Variants in GPD2 observed in about 807,000 individuals in gnomAD.
GPD2 encodes the protein glycerol-3-phosphate dehydrogenase, mitochondrial.
Under a neutral mutation model 82.4 loss-of-function variants are expected in GPD2, and 54 were observed. The observed-to-expected ratio is 0.66, with a 90% CI of 0.53 to 0.82. The LOEUF (loss-of-function observed/expected upper bound fraction) is 0.82. Ranked by LOEUF, GPD2 falls within the 40% of genes least tolerant of loss-of-function variation. The pLI is 0.00. For synonymous variants in GPD2, 288 were observed against 306.1 expected (o/e 0.94, Z 0.62); for missense variants, 748 against 896.2 (o/e 0.83, Z 2.11).
chr2:156,543,344 G>A (rs186964948), intron 6 of GPD2, among the ~76,000 whole-genome samples: 1 of 152,284 alleles, frequency 6.6e-6, no homozygotes, highest in African/African-American at 2.4e-5. Context: ...CTGCTAGGTA[G>A]CAAAGGCTTT....
intron 5 of GPD2, 45 bp downstream of exon 5, chr2:156,512,362 CA>C (rs1685033339): frequency 2.3e-6 from 2 of 888,868 alleles, no homozygotes; most frequent in African/African-American, 1.6e-5. Flanking sequence ...TCTCTGCGGT[CA>C]ATAGAACAAC....
intron 6 of GPD2, among the ~76,000 whole-genome samples, chr2:156,543,846 T>C (rs1325158633): frequency 6.6e-6 from 1 of 152,168 alleles, no homozygotes; most frequent in Non-Finnish European, 1.5e-5. Flanking sequence ...CTTATTCAGG[T>C]ACCCTATGCA....
chr2:156,452,238 C>T (rs918754652), intron 1 of GPD2, among the ~76,000 whole-genome samples: 1 of 152,244 alleles, frequency 6.6e-6, no homozygotes, highest in Non-Finnish European at 1.5e-5. Flanking sequence ...GCCGAGATCA[C>T]GCCACCTCAC....
chr2:156,531,468 A>G (rs1051803452), intron 6 of GPD2, among the ~76,000 whole-genome samples: 1 of 152,228 alleles, frequency 6.6e-6, no homozygotes, highest in Non-Finnish European at 1.5e-5. Flanking sequence ...CTGACAGTAG[A>G]GAGTTTCTTT....
chr2:156,578,738 T>C, intron 13 of GPD2, 151 bp from the exon 14 acceptor site: 1 of 624,132 alleles, frequency 1.6e-6, no homozygotes, highest in Non-Finnish European at 2.9e-6. Flanking sequence ...CAATATAAAT[T>C]ATACTTCAAT....
At chr2:156,492,147 C>CTTTTTTTT (rs770947790) in intron 2 of GPD2, among the ~76,000 whole-genome samples, 3 of 75,470 alleles carry the variant, frequency 4.0e-5, no homozygotes, top group Admixed American at 2.2e-4. Context: ...CCCTCCCTAC[C>CTTTTTTTT]TTTTTTTTTT....
upstream of GPD2, among the ~76,000 whole-genome samples, chr2:156,431,477 T>G (rs557059381): frequency 6.6e-6 from 1 of 152,330 alleles, no homozygotes; most frequent in African/African-American, 2.4e-5. Context: ...GGAAGGTTTT[T>G]GTTTTTTGCT....
Position 156,573,220 on chromosome 2 carries a change from T to A in GPD2, c.1767+1928T>A, listed in dbSNP as rs376334129. Among the ~76,000 whole-genome samples the A allele has an allele frequency of 1.1e-3, 160 of 152,294 alleles. 2 individuals carry two copies. The South Asian group carries it at 0.032, about 30-fold the overall frequency. On this transcript the variant is annotated intron_variant, in intron 13 of 16. Coordinates refer to ENST00000438166, the MANE Select transcript of GPD2 (RefSeq NM_000408.5). ...ATAAAATTTACCCCCATGTTATAGCTGAGAAAACAGGTTCACAGAGTAGGA... is the reference window on the plus strand; with the variant it reads ...ATAAAATTTACCCCCATGTTATAGCAGAGAAAACAGGTTCACAGAGTAGGA...
chr2:156,524,898 AATTATAATT>A (rs1348836999), intron 6 of GPD2, among the ~76,000 whole-genome samples: 6 of 152,302 alleles, frequency 3.9e-5, no homozygotes, highest in South Asian at 2.1e-4. Context: ...TTAAATTAGT[AATTATAATT>A]ATTGCCTAGA....
chr2:156,539,045 A>G, intron 6 of GPD2, among the ~76,000 whole-genome samples: 1 of 152,178 alleles, frequency 6.6e-6, no homozygotes. Context: ...CCAAATAAAC[A>G]TTAATTCTGG....
chr2:156,531,372 A>T (rs1573968896), intron 6 of GPD2, among the ~76,000 whole-genome samples: 1 of 152,180 alleles, frequency 6.6e-6, no homozygotes, highest in Non-Finnish European at 1.5e-5. Flanking sequence ...CAGACAGGAG[A>T]GTAAGTGGCA....
Position 156,450,665 on chromosome 2 carries a change from CTT to C in GPD2, c.-9+14168_-9+14169del, listed in dbSNP as rs776070659. On this transcript the variant is annotated intron_variant, in intron 1 of 16. Transcript: ENST00000438166. ...GTGGAGACAGTTCTTATAGACAACT[CTT>C]TTTTTTTTTTTTTTTATTGCTCATT... is the stretch of plus-strand genomic sequence containing the variant. Among the ~76,000 whole-genome samples the C allele has an allele frequency of 2.4e-4, 17 of 71,676 alleles. 1 individual carries two copies. In the South Asian group the frequency reaches 6.3e-3, roughly 26 times the overall value. The allele number at this position is 71,676 out of a possible 152,430, so 47.0% of individuals were successfully genotyped here.
the GPD2 span, among the ~76,000 whole-genome samples, chr2:156,419,385 A>G: frequency 1.3e-5 from 2 of 152,200 alleles, no homozygotes; most frequent in African/African-American, 4.8e-5. Context: ...AAGCTCCAAC[A>G]ACTGTGAAGT....
At chr2:156,461,099 C>T (rs1682971432) in intron 1 of GPD2, among the ~76,000 whole-genome samples, 1 of 151,634 alleles carries the variant, frequency 6.6e-6, no homozygotes, top group Admixed American at 6.6e-5. Flanking sequence ...GTGCCTGTGC[C>T]TATAGGAGTA....
chr2:156,460,830 C>A (rs1682963407), intron 1 of GPD2, among the ~76,000 whole-genome samples: 1 of 152,190 alleles, frequency 6.6e-6, no homozygotes, highest in African/African-American at 2.4e-5. Context: ...TATTTACATT[C>A]AAGTTTATCC....
the GPD2 span, among the ~76,000 whole-genome samples, chr2:156,406,670 A>C: frequency 6.6e-6 from 1 of 152,130 alleles, no homozygotes; most frequent in African/African-American, 2.4e-5. Context: ...ATCCATACAG[A>C]GTCCTCATGG....
At chr2:156,552,580 G>A (rs1035324871) in intron 8 of GPD2, among the ~76,000 whole-genome samples, 3 of 152,092 alleles carry the variant, frequency 2.0e-5, no homozygotes, top group Non-Finnish European at 2.9e-5. Flanking sequence ...ATATTCTCAT[G>A]TGTTGTGTGC....
chr2:156,427,302 C>T, the GPD2 span, among the ~76,000 whole-genome samples: 1 of 152,130 alleles, frequency 6.6e-6, no homozygotes, highest in Admixed American at 6.6e-5. Flanking sequence ...CTGTCTGCCT[C>T]GGACCCCACA....
intron 6 of GPD2, among the ~76,000 whole-genome samples, chr2:156,515,881 G>C (rs1459317066): frequency 6.6e-6 from 1 of 152,092 alleles, no homozygotes; most frequent in Non-Finnish European, 1.5e-5. Flanking sequence ...GTAGTTTTGT[G>C]GTTTTACAAC....
Sources: gnomAD v4.1 joint callset for allele counts (sites outside exome capture counted in the v4.1 genomes callset) on GRCh38, gnomAD v4.1.1 for gene constraint, MANE v1.5 for transcripts, NCBI Gene and HGNC (gene_info 2026-07-23, HGNC 2026-07-21) for gene names.